Variants in CDH18 observed in about 807,000 individuals in gnomAD.
CDH18 encodes the protein cadherin-18.
A neutral mutation model predicts 67.9 loss-of-function variants in CDH18; 31 were observed. That is an observed-to-expected ratio of 0.46 (90% CI 0.34 to 0.62). The LOEUF (loss-of-function observed/expected upper bound fraction) is 0.62. Ranked by LOEUF, CDH18 falls within the 20% of genes least tolerant of loss-of-function variation. CDH18 has a pLI of 0.01. For missense variants in CDH18, 890 were observed against 975.5 expected (o/e 0.91, Z 1.17); for synonymous variants, 362 against 347.2 (o/e 1.04, Z -0.48).
intron 12 of CDH18, among the ~76,000 whole-genome samples, chr5:19,479,958 T>C (rs1335734834): frequency 4.6e-5 from 7 of 152,212 alleles, no homozygotes; most frequent in African/African-American, 1.4e-4. Flanking sequence ...TAAAATGAAG[T>C]ATCATTCCAT....
intron 2 of CDH18, among the ~76,000 whole-genome samples, chr5:19,920,800 C>A (rs965970914): frequency 2.0e-5 from 3 of 151,874 alleles, no homozygotes; most frequent in African/African-American, 7.3e-5. Context: ...GCGTAAGCCA[C>A]CGTGCCCGGC....
intron 2 of CDH18, among the ~76,000 whole-genome samples, chr5:19,910,317 C>T (rs1338502369): frequency 6.6e-6 from 1 of 152,166 alleles, no homozygotes; most frequent in African/African-American, 2.4e-5. Context: ...ATAAAAGCCA[C>T]TCTGTACAGG....
intron 6 of CDH18, among the ~76,000 whole-genome samples, chr5:19,593,717 C>CTTCTTCTTCTTCTTCTTCTTCTTCTT (rs1561426033): frequency 6.9e-5 from 8 of 116,484 alleles, no homozygotes; most frequent in Non-Finnish European, 9.9e-5. Context: ...CCTTCTTCTT[C>CTTCTTCTTCTTCTTCTTCTTCTTCTT]TTCTTCTTCT....
At chr5:20,300,584 C>T (rs1443228511) in intron 1 of CDH18, among the ~76,000 whole-genome samples, 1 of 151,900 alleles carries the variant, frequency 6.6e-6, no homozygotes, top group Non-Finnish European at 1.5e-5. Context: ...GTTGAGATTC[C>T]CCATATCCTT....
chr5:19,793,808 GACTCCA>G (rs1282299100), intron 3 of CDH18, among the ~76,000 whole-genome samples: 2 of 152,056 alleles, frequency 1.3e-5, no homozygotes, highest in African/African-American at 4.8e-5. Flanking sequence ...TAGATAACCT[GACTCCA>G]GCTTCAATAT....
intron 2 of CDH18, among the ~76,000 whole-genome samples, chr5:20,178,112 C>T (rs938852257): frequency 6.6e-6 from 1 of 152,156 alleles, no homozygotes; most frequent in East Asian, 1.9e-4. Context: ...AATGGAACTC[C>T]TCCTGTCTGA....
chr5:20,419,037 T>C (rs1208107673), intron 1 of CDH18, among the ~76,000 whole-genome samples: 1 of 151,992 alleles, frequency 6.6e-6, no homozygotes, highest in Non-Finnish European at 1.5e-5. Flanking sequence ...CAACTTGAAA[T>C]TGTATCTCCT....
intron 5 of CDH18, among the ~76,000 whole-genome samples, chr5:19,680,132 C>T (rs1220717471): frequency 5.3e-5 from 8 of 150,984 alleles, no homozygotes; most frequent in Non-Finnish European, 3.0e-5. Flanking sequence ...GCACATGTAC[C>T]GCCATCTGAT....
chr5:20,413,934 T>G (rs1305341130), intron 1 of CDH18, among the ~76,000 whole-genome samples: 2 of 152,232 alleles, frequency 1.3e-5, no homozygotes, highest in Admixed American at 6.5e-5. Flanking sequence ...TCTCGGGTTT[T>G]TATGGTTTTA....
At chr5:20,547,453 C>T (rs947434369) in intron 1 of CDH18, among the ~76,000 whole-genome samples, 6 of 151,560 alleles carry the variant, frequency 4.0e-5, no homozygotes, top group Non-Finnish European at 7.4e-5. Context: ...CCCAGCTACT[C>T]AGGAGGCTGA....
At chr5:19,589,175 C>T (rs1744694396) in intron 7 of CDH18, among the ~76,000 whole-genome samples, 1 of 152,086 alleles carries the variant, frequency 6.6e-6, no homozygotes, top group East Asian at 1.9e-4. Flanking sequence ...TAATGATAAT[C>T]ACCCAGTCAA....
At chr5:19,732,158 T>A (rs954895575) in intron 4 of CDH18, among the ~76,000 whole-genome samples, 2 of 151,544 alleles carry the variant, frequency 1.3e-5, no homozygotes, top group South Asian at 2.1e-4. Context: ...TCCCATAATT[T>A]AAAAAAATTA....
chr5:19,631,528 G>A (rs1237241994), intron 5 of CDH18, among the ~76,000 whole-genome samples: 1 of 151,864 alleles, frequency 6.6e-6, no homozygotes, highest in African/African-American at 2.4e-5. Context: ...ATTCTGAAGC[G>A]ATTTTCAAGT....
At chr5:20,198,195 G>A (rs966655349) in intron 2 of CDH18, among the ~76,000 whole-genome samples, 1 of 152,130 alleles carries the variant, frequency 6.6e-6, no homozygotes, top group Non-Finnish European at 1.5e-5. Context: ...ACCCATAAAT[G>A]TGGAAGTGAC....
intron 2 of CDH18, among the ~76,000 whole-genome samples, chr5:20,053,687 C>T (rs1230167755): frequency 6.6e-6 from 1 of 152,150 alleles, no homozygotes; most frequent in Non-Finnish European, 1.5e-5. Flanking sequence ...CCATCTCTCA[C>T]CTGGATGTCA....
intron 5 of CDH18, among the ~76,000 whole-genome samples, chr5:19,631,010 T>C (rs1364739351): frequency 6.6e-6 from 1 of 151,990 alleles, no homozygotes; most frequent in Non-Finnish European, 1.5e-5. Flanking sequence ...CTTTCACTGC[T>C]TATTTTAATG....
intron 2 of CDH18, among the ~76,000 whole-genome samples, chr5:20,021,909 G>A (rs1738457960): frequency 6.6e-6 from 1 of 152,104 alleles, no homozygotes; most frequent in Non-Finnish European, 1.5e-5. Flanking sequence ...AGAAGCCATG[G>A]ACACAGCAAT....
chr5:19,760,378 G>A (rs1187796185), intron 3 of CDH18, among the ~76,000 whole-genome samples: 2 of 152,070 alleles, frequency 1.3e-5, no homozygotes, highest in Admixed American at 6.6e-5. Context: ...TCCACTCCAC[G>A]ATCCCGATTT....
intron 2 of CDH18, among the ~76,000 whole-genome samples, chr5:20,181,513 C>A (rs1173545876): frequency 6.6e-6 from 1 of 152,012 alleles, no homozygotes; most frequent in Non-Finnish European, 1.5e-5. Flanking sequence ...CCTGGTAATA[C>A]CTCAAGGCCC....
Sources: allele counts gnomAD v4.1 joint callset (sites outside exome capture counted in the v4.1 genomes callset), GRCh38; gene constraint gnomAD v4.1.1; transcripts MANE v1.5; gene names NCBI Gene and HGNC (gene_info 2026-07-23, HGNC 2026-07-21).